Variants in RIT2 observed in about 807,000 individuals in gnomAD.
RIT2 encodes the protein Ras like without CAAX 2.
RIT2 carries 24 observed loss-of-function variants against 23.7 expected under a neutral mutation model. That is an observed-to-expected ratio of 1.01 (90% CI 0.73 to 1.43). RIT2 has a LOEUF of 1.43. Among genes scored for constraint, RIT2 ranks in the 40% most tolerant of loss-of-function variants. RIT2 has a pLI of 0.00. For synonymous variants in RIT2, 107 were observed against 91.1 expected, an observed-to-expected ratio of 1.17 and a Z score of -0.99; for missense variants, 236 against 266.9, an observed-to-expected ratio of 0.88 and a Z score of 0.81.
chr18:43,056,275 A>C (rs1212352758), intron 1 of RIT2, among the ~76,000 whole-genome samples: 1 of 152,088 alleles, frequency 6.6e-6, no homozygotes, highest in African/African-American at 2.4e-5. Flanking sequence ...AACAAAGTCC[A>C]GGGTATTAAA....
At chr18:43,062,719 T>C (rs1247293385) in intron 1 of RIT2, among the ~76,000 whole-genome samples, 1 of 152,120 alleles carries the variant, frequency 6.6e-6, no homozygotes, top group African/African-American at 2.4e-5. Context: ...TTTTGATAAA[T>C]ATGAATCTTA....
At chr18:43,058,988 C>A (rs1345188304) in intron 1 of RIT2, among the ~76,000 whole-genome samples, 1 of 142,652 alleles carries the variant, frequency 7.0e-6, no homozygotes, top group Non-Finnish European at 1.6e-5. Flanking sequence ...CTCTTGCTTC[C>A]AATCTTCAAC....
chr18:43,068,565 A>G (rs1403533501), intron 1 of RIT2, among the ~76,000 whole-genome samples: 1 of 152,156 alleles, frequency 6.6e-6, no homozygotes, highest in African/African-American at 2.4e-5. Flanking sequence ...GGCATCAAGA[A>G]CCTAGAGAAG....
intron 3 of RIT2, among the ~76,000 whole-genome samples, chr18:42,961,175 C>G (rs1910086066): frequency 6.6e-6 from 1 of 152,178 alleles, no homozygotes; most frequent in African/African-American, 2.4e-5. Context: ...TAACTATACA[C>G]CCAGCTGATA....
intron 3 of RIT2, among the ~76,000 whole-genome samples, chr18:42,951,598 A>AAAAT (rs1555648727): frequency 5.5e-5 from 8 of 145,960 alleles, no homozygotes; most frequent in African/African-American, 2.1e-4. Context: ...AAAAGAAAAA[A>AAAAT]ATATATATAT....
intron 4 of RIT2, among the ~76,000 whole-genome samples, chr18:42,777,370 A>T (rs1265791953): frequency 6.6e-6 from 1 of 152,106 alleles, no homozygotes; most frequent in Non-Finnish European, 1.5e-5. Flanking sequence ...TTTAAGTCAT[A>T]GTCCTGGATG....
intron 1 of RIT2, among the ~76,000 whole-genome samples, chr18:43,106,058 T>A (rs1161478415): frequency 6.6e-6 from 1 of 152,168 alleles, no homozygotes; most frequent in Non-Finnish European, 1.5e-5. Context: ...TCTTCAAGCT[T>A]TATTGTTCTC....
At chr18:43,044,881 A>G (rs1912210380) in intron 1 of RIT2, among the ~76,000 whole-genome samples, 1 of 152,144 alleles carries the variant, frequency 6.6e-6, no homozygotes, top group Admixed American at 6.6e-5. Flanking sequence ...ATGGAAAGAA[A>G]TTGTGCTTTC....
In RIT2 at chr18:42,910,021, T is replaced by C. The variant is rs1908725712; in HGVS notation, c.426+13551A>G. Among the ~76,000 whole-genome samples, 4 of 152,216 alleles carry C rather than the reference T, an allele frequency of 2.6e-5. No homozygotes were observed. In the South Asian group the frequency reaches 8.3e-4, roughly 32 times the overall value. ...AAGGGGATCTAAATTGAAGTAAGGTTTTTATACTTAACTTGAAATGGTAAC... is the reference window on the plus strand; with the variant it reads ...AAGGGGATCTAAATTGAAGTAAGGTCTTTATACTTAACTTGAAATGGTAAC... On this transcript the variant is annotated intron_variant, in intron 4 of 4. Transcript: ENST00000326695.
chr18:42,879,440 A>G (rs1171522560), intron 4 of RIT2, among the ~76,000 whole-genome samples: 1 of 152,132 alleles, frequency 6.6e-6, no homozygotes, highest in East Asian at 1.9e-4. Context: ...GCATTGCTTC[A>G]CTGTTTTTAA....
chr18:42,761,341 T>C (rs1031898109), intron 4 of RIT2, among the ~76,000 whole-genome samples: 21 of 152,310 alleles, frequency 1.4e-4, no homozygotes. Context: ...AGACTAGGTA[T>C]AATTTTTCTT....
chr18:43,064,425 C>A (rs1356359097), intron 1 of RIT2, among the ~76,000 whole-genome samples: 2 of 152,064 alleles, frequency 1.3e-5, no homozygotes, highest in African/African-American at 2.4e-5. Flanking sequence ...TTGGAGGTGA[C>A]AAATTTCTTT....
At chr18:42,915,740 C>T (rs1908891342) in intron 4 of RIT2, among the ~76,000 whole-genome samples, 1 of 151,834 alleles carries the variant, frequency 6.6e-6, no homozygotes, top group Non-Finnish European at 1.5e-5. Context: ...TTCTAAATGA[C>T]AAATTTGCCC....
intron 4 of RIT2, among the ~76,000 whole-genome samples, chr18:42,758,659 A>G (rs1380740781): frequency 6.7e-6 from 1 of 149,378 alleles, no homozygotes; most frequent in Admixed American, 6.7e-5. Context: ...GATTACAAGC[A>G]TGTGCCACTG....
chr18:42,774,977 C>G (rs1331597884), intron 4 of RIT2, among the ~76,000 whole-genome samples: 1 of 152,136 alleles, frequency 6.6e-6, no homozygotes, highest in Non-Finnish European at 1.5e-5. Context: ...ATCATCTATA[C>G]TTTTCTCATT....
intron 2 of RIT2, among the ~76,000 whole-genome samples, chr18:43,018,648 A>G (rs536389820): frequency 6.6e-6 from 1 of 151,990 alleles, no homozygotes; most frequent in East Asian, 1.9e-4. Flanking sequence ...AAAAACCAAA[A>G]CCAAAAACAA....
At chr18:42,744,956 C>T (rs956618278) in intron 4 of RIT2, among the ~76,000 whole-genome samples, 1 of 152,038 alleles carries the variant, frequency 6.6e-6, no homozygotes, top group Non-Finnish European at 1.5e-5. Context: ...GGCCAGGGAC[C>T]GTGTCTGTCT....
chr18:42,869,821 A>G (rs1907575678), intron 4 of RIT2, among the ~76,000 whole-genome samples: 1 of 152,196 alleles, frequency 6.6e-6, no homozygotes, highest in African/African-American at 2.4e-5. Flanking sequence ...TGTTTTCTTT[A>G]AACTAGTGAA....
rs1344760001 is a variant in RIT2, at chr18:42,973,861, C to CAA, written c.234+212_234+213insTT. Among the ~76,000 whole-genome samples, 917 of 151,804 alleles carry CAA rather than the reference C, an allele frequency of 6.0e-3. 3 individuals are homozygous for CAA. Among genetic ancestry groups the CAA allele is most frequent in the African/African-American group, 0.021 (861 of 41,458 alleles). On this transcript the variant is annotated intron_variant, in intron 3 of 4. Coordinates refer to ENST00000326695, the MANE Select transcript of RIT2 (RefSeq NM_002930.4). ...TATAATTTAATTGGCAATATAACAC[C>CAA]TATATGGACTCTTTTATTTTTAGAA... is the stretch of plus-strand genomic sequence containing the variant.
Sources: allele counts gnomAD v4.1 joint callset (sites outside exome capture counted in the v4.1 genomes callset), GRCh38; gene constraint gnomAD v4.1.1; transcripts MANE v1.5; gene names NCBI Gene and HGNC (gene_info 2026-07-23, HGNC 2026-07-21).